The following PDE1C variants were observed in gnomAD, a reference collection of about 807,000 sequenced individuals.
PDE1C encodes phosphodiesterase 1C.
Under a neutral mutation model 93.1 loss-of-function variants are expected in PDE1C, and 62 were observed. That is an observed-to-expected ratio of 0.67 (90% CI 0.54 to 0.82). The LOEUF (loss-of-function observed/expected upper bound fraction) is 0.82, where lower values mean the gene tolerates loss of function less well. PDE1C is among the 40% of genes least tolerant of loss of function. The pLI is 0.00. For missense variants in PDE1C, 742 were observed against 884.6 expected (o/e 0.84, Z 2.04); for synonymous variants, 325 against 310.1 (o/e 1.05, Z -0.50).
intron 2 of PDE1C, among the ~76,000 whole-genome samples, chr7:32,173,592 G>A (rs1802789514): frequency 6.6e-6 from 1 of 151,950 alleles, no homozygotes; most frequent in African/African-American, 2.4e-5. Context: ...GCAAAATACT[G>A]CATTTTTCTA....
chr7:32,219,942 T>C (rs190071029), intron 1 of PDE1C, among the ~76,000 whole-genome samples: 2 of 152,314 alleles, frequency 1.3e-5, no homozygotes, highest in East Asian at 3.9e-4. Flanking sequence ...ACTGTTCTCA[T>C]GGTAGTGAAT....
the PDE1C span, among the ~76,000 whole-genome samples, chr7:31,646,557 T>C: frequency 6.6e-6 from 1 of 152,146 alleles, no homozygotes; most frequent in African/African-American, 2.4e-5. Context: ...AGCTCCAGGG[T>C]GACCAAGTGT....
At chr7:32,206,572 C>T (rs1220069885) in intron 2 of PDE1C, among the ~76,000 whole-genome samples, 1 of 152,212 alleles carries the variant, frequency 6.6e-6, no homozygotes, top group African/African-American at 2.4e-5. Context: ...GAGCTCCTCA[C>T]CAAGTTGAGG....
chr7:31,833,063 T>C (rs1016528766), intron 11 of PDE1C, among the ~76,000 whole-genome samples: 18 of 152,138 alleles, frequency 1.2e-4, no homozygotes, highest in African/African-American at 3.1e-4. Flanking sequence ...TGGGAGATAA[T>C]TGAATAATGG....
chr7:32,096,679 C>T (rs1174667439), intron 3 of PDE1C, among the ~76,000 whole-genome samples: 1 of 152,074 alleles, frequency 6.6e-6, no homozygotes, highest in African/African-American at 2.4e-5. Context: ...GGAAAACATC[C>T]CACTATGTCT....
intron 2 of PDE1C, among the ~76,000 whole-genome samples, chr7:31,888,447 T>C (rs949394178): frequency 6.6e-6 from 1 of 151,656 alleles, no homozygotes; most frequent in African/African-American, 2.4e-5. Flanking sequence ...GTCTTTGAAA[T>C]GCTTAATAAA....
intron 1 of PDE1C, among the ~76,000 whole-genome samples, chr7:32,425,516 A>G (rs1470921183): frequency 6.6e-6 from 1 of 151,158 alleles, no homozygotes; most frequent in Non-Finnish European, 1.5e-5. Flanking sequence ...ATTCTTGTAT[A>G]ATCAAAAAGT....
chr7:31,655,643 A>G, the PDE1C span: 6 of 670,478 alleles, frequency 8.9e-6, no homozygotes, highest in Non-Finnish European at 1.1e-5. Flanking sequence ...CTCCCACTGC[A>G]TCATCCCTTT....
chr7:32,063,945 C>G (rs1795092970), intron 1 of PDE1C, among the ~76,000 whole-genome samples: 1 of 152,140 alleles, frequency 6.6e-6, no homozygotes, highest in South Asian at 2.1e-4. Context: ...ATTTTCGTAT[C>G]CCTTCTGAAG....
Position 31,780,803 on chromosome 7 carries a change from TTG to T in PDE1C, c.1892-5073_1892-5072del, listed in dbSNP as rs55970947. Among the ~76,000 whole-genome samples the T allele has an allele frequency of 8.7e-3, 1,304 of 149,700 alleles. 11 individuals are homozygous for T. The highest frequency in any genetic ancestry group is 0.019 in the African/African-American group (773 of 40,796). ...CATGCGTGTGTGTGCACGTGTGCAT[TTG>T]TGTGTGTGTGTGTGTGTGTGTGTGT... On this transcript the variant is annotated intron_variant, in intron 16 of 17. Transcript: ENST00000396191.
At position 32,169,670 on chromosome 7, in the gene PDE1C, A is replaced by G. The variant is rs1802523217; in HGVS notation, c.308+115T>C. 12 of 850,152 alleles carry G rather than the reference A, an allele frequency of 1.4e-5. 1 individual carries two copies. In the South Asian group the frequency reaches 1.8e-4, roughly 12 times the overall value. 52.7% of individuals were successfully genotyped at this position (850,152 alleles called of 1,614,324 possible). ...AACCCTCCTTCATCAATTTTAATTTATTCAGTGCAAAGAAATGAAGTAATT... is the reference window on the plus strand; with the variant it reads ...AACCCTCCTTCATCAATTTTAATTTGTTCAGTGCAAAGAAATGAAGTAATT... On this transcript the variant is annotated intron_variant, in intron 3 of 18. Transcript: ENST00000396193.
intron 3 of PDE1C, among the ~76,000 whole-genome samples, chr7:32,157,838 T>C (rs1801676560): frequency 6.6e-6 from 1 of 152,232 alleles, no homozygotes; most frequent in Non-Finnish European, 1.5e-5. Flanking sequence ...TAGCTCATTT[T>C]ATTAGTCTTG....
chr7:32,381,770 G>C (rs766646837), intron 1 of PDE1C, among the ~76,000 whole-genome samples: 6 of 152,114 alleles, frequency 3.9e-5, no homozygotes, highest in Non-Finnish European at 7.4e-5. Flanking sequence ...ATCCTTGAAA[G>C]AATATATTTG....
chr7:32,032,155 A>C (rs1286093639), intron 2 of PDE1C, among the ~76,000 whole-genome samples: 1 of 152,164 alleles, frequency 6.6e-6, no homozygotes, highest in South Asian at 2.1e-4. Flanking sequence ...TTATAATCAC[A>C]TGTGTTCTAG....
intron 1 of PDE1C, among the ~76,000 whole-genome samples, chr7:32,323,975 G>A (rs1344466027): frequency 6.6e-6 from 1 of 152,220 alleles, no homozygotes; most frequent in African/African-American, 2.4e-5. Context: ...TACATACAGA[G>A]CATAGAGCGG....
intron 3 of PDE1C, among the ~76,000 whole-genome samples, chr7:32,144,442 G>T (rs1256763051): frequency 1.3e-5 from 2 of 152,148 alleles, no homozygotes; most frequent in Non-Finnish European, 2.9e-5. Context: ...AGAAACACCT[G>T]CCCATCTCCA....
chr7:31,639,666 A>G, the PDE1C span, among the ~76,000 whole-genome samples: 5 of 150,806 alleles, frequency 3.3e-5, no homozygotes, highest in Non-Finnish European at 7.4e-5. Flanking sequence ...CCTCCCAAGT[A>G]TCTGGGACTA....
At chr7:31,797,355 T>A (rs1162937427) in intron 16 of PDE1C, among the ~76,000 whole-genome samples, 2 of 151,790 alleles carry the variant, frequency 1.3e-5, no homozygotes, top group Non-Finnish European at 2.9e-5. Context: ...TGGGATACCT[T>A]CCTAGACCTA....
At chr7:31,642,125 C>G in the PDE1C span, 20 of 1,369,438 alleles carry the variant, frequency 1.5e-5, no homozygotes, top group Middle Eastern at 2.5e-4. Flanking sequence ...CCAAGTCCTG[C>G]TGGCTGCGTG....
Sources: gnomAD v4.1 joint callset for allele counts (sites outside exome capture counted in the v4.1 genomes callset) on GRCh38, gnomAD v4.1.1 for gene constraint, MANE v1.5 for transcripts, NCBI Gene and HGNC (gene_info 2026-07-23, HGNC 2026-07-21) for gene names.